Variants in PDE8B observed in about 807,000 individuals in gnomAD.
The protein encoded by PDE8B is high affinity cAMP-specific and IBMX-insensitive 3',5'-cyclic phosphodiesterase 8B.
A neutral mutation model predicts 101.3 loss-of-function variants in PDE8B; 26 were observed. The observed-to-expected ratio is 0.26, with a 90% CI of 0.19 to 0.36. PDE8B has a LOEUF of 0.36. Ranked by LOEUF, PDE8B falls within the 10% of genes least tolerant of loss-of-function variation. PDE8B has a pLI of 1.00. For missense variants in PDE8B, 810 were observed against 1,163.1 expected (o/e 0.70, Z 4.42); for synonymous variants, 424 against 429.3 (o/e 0.99, Z 0.15).
intron 10 of PDE8B, among the ~76,000 whole-genome samples, chr5:77,397,939 T>C (rs907631733): frequency 1.1e-4 from 17 of 148,572 alleles, no homozygotes; most frequent in African/African-American, 4.0e-4. Flanking sequence ...TAACCAGAGA[T>C]GAGATAACAC....
chr5:77,209,747 G>T (rs561829032), upstream of PDE8B, among the ~76,000 whole-genome samples: 1 of 152,172 alleles, frequency 6.6e-6, no homozygotes, highest in Non-Finnish European at 1.5e-5. Context: ...GCGGCTGGAC[G>T]GGATAGAAAC....
At chr5:77,205,384 G>A in the PDE8B span, among the ~76,000 whole-genome samples, 1 of 152,136 alleles carries the variant, frequency 6.6e-6, no homozygotes, top group Non-Finnish European at 1.5e-5. Context: ...AAACTCACTT[G>A]GTAGGACTAT....
chr5:77,393,690 T>A (rs1054679753), intron 10 of PDE8B, among the ~76,000 whole-genome samples: 32 of 152,232 alleles, frequency 2.1e-4, no homozygotes, highest in Non-Finnish European at 4.1e-4. Context: ...TAAGGAATTT[T>A]GGATTTGACA....
At chr5:77,240,167 G>T (rs981535302) in intron 1 of PDE8B, among the ~76,000 whole-genome samples, 1 of 151,208 alleles carries the variant, frequency 6.6e-6, no homozygotes, top group East Asian at 1.9e-4. Context: ...GTTTTGTTTT[G>T]TTTTGAGATG....
intron 10 of PDE8B, among the ~76,000 whole-genome samples, chr5:77,356,565 G>T (rs186313084): frequency 6.6e-6 from 1 of 152,228 alleles, no homozygotes; most frequent in African/African-American, 2.4e-5. Flanking sequence ...AAGTAACTGG[G>T]ATTATAGGTT....
chr5:77,097,707 C>CTATCTATCTATATA, the PDE8B span, among the ~76,000 whole-genome samples: 1 of 20,950 alleles, frequency 4.8e-5, no homozygotes, highest in Non-Finnish European at 1.1e-4. Flanking sequence ...ATATATATAT[C>CTATCTATCTATATA]TATATATATA....
In PDE8B at chr5:77,412,355, C is replaced by T. The variant is rs866780126; in HGVS notation, c.1712+120C>T. On this transcript the variant is annotated intron_variant, in intron 16 of 21. Transcript: ENST00000264917. Reference sequence around the variant, plus strand: ...GAGAGACCTCACGGGTTCTGGCTCTCATGCCATGTTAGAGTAGTGTTGAAT... The same window carrying T: ...GAGAGACCTCACGGGTTCTGGCTCTTATGCCATGTTAGAGTAGTGTTGAAT... The T allele has an allele frequency of 1.1e-5, 11 of 967,090 alleles. No individual in the cohort carries two copies. The Middle Eastern group carries it at 1.3e-3, about 118-fold the overall frequency. The allele number at this position is 967,090 out of a possible 1,614,324, so 59.9% of individuals were successfully genotyped here.
At chr5:77,169,531 G>T in the PDE8B span, among the ~76,000 whole-genome samples, 1 of 152,318 alleles carries the variant, frequency 6.6e-6, no homozygotes, top group Non-Finnish European at 1.5e-5. Context: ...GTAGGAAGTA[G>T]CCAGGGAAAG....
In PDE8B at chr5:77,210,921, G is replaced by T. The variant is rs778018858; in HGVS notation, c.-5G>T. 125 of 1,413,452 alleles carry T rather than the reference G, an allele frequency of 8.8e-5. No homozygotes were observed. Among genetic ancestry groups the T allele is most frequent in the Non-Finnish European group, 1.1e-4 (124 of 1,083,802 alleles). 87.6% of individuals were successfully genotyped at this position (1,413,452 alleles called of 1,614,324 possible). Reference sequence around the variant, plus strand: ...GGCGGGCGCGCGGGGGAGCCCGGCCGAGGGATGGGCTGCGCCCCCAGCATC... The same window carrying T: ...GGCGGGCGCGCGGGGGAGCCCGGCCTAGGGATGGGCTGCGCCCCCAGCATC... On this transcript the variant is annotated 5_prime_UTR_variant, in exon 1 of 22. An upstream open reading frame in the 5' UTR gains an earlier in-frame stop. Transcript: ENST00000264917. This position sits in a 1 kb window ranked among gnomAD's most constrained non-coding sequence, Gnocchi z 4.9.
chr5:77,251,378 C>T (rs1163517745), intron 1 of PDE8B, among the ~76,000 whole-genome samples: 1 of 152,192 alleles, frequency 6.6e-6, no homozygotes, highest in African/African-American at 2.4e-5. Flanking sequence ...TAAAAATGCC[C>T]ATCTTTGCCG....
intron 1 of PDE8B, among the ~76,000 whole-genome samples, chr5:77,281,790 C>T (rs1580770269): frequency 1.3e-5 from 2 of 152,278 alleles, no homozygotes; most frequent in East Asian, 1.9e-4. Flanking sequence ...GGGTATTATT[C>T]AGCCTACCAC....
chr5:77,412,689 C>T (rs1050809590), intron 16 of PDE8B, among the ~76,000 whole-genome samples: 9 of 151,998 alleles, frequency 5.9e-5, no homozygotes, highest in South Asian at 4.1e-4. Context: ...TCACCTGTAA[C>T]GTAAATAAGT....
intron 10 of PDE8B, among the ~76,000 whole-genome samples, chr5:77,371,923 G>A (rs1053395223): frequency 9.2e-5 from 14 of 151,986 alleles, no homozygotes; most frequent in East Asian, 3.9e-4. Context: ...ATTTTTTGCC[G>A]GGTGCAGTGG....
chr5:77,180,152 TC>T, the PDE8B span, among the ~76,000 whole-genome samples: 21 of 152,198 alleles, frequency 1.4e-4, no homozygotes, highest in Non-Finnish European at 1.9e-4. Context: ...TGGACTTCCC[TC>T]GAGGGGCCAG....
intron 2 of PDE8B, among the ~76,000 whole-genome samples, chr5:77,312,785 T>C (rs1182008449): frequency 6.6e-6 from 1 of 151,992 alleles, no homozygotes; most frequent in East Asian, 1.9e-4. Flanking sequence ...GCAGTTGCTG[T>C]TGTGTGGGAA....
chr5:77,164,137 A>G, the PDE8B span, among the ~76,000 whole-genome samples: 4 of 152,248 alleles, frequency 2.6e-5, no homozygotes, highest in African/African-American at 2.4e-5. Context: ...ACTTGAGGTT[A>G]AAATAATTGG....
intron 1 of PDE8B, among the ~76,000 whole-genome samples, chr5:77,215,811 T>C (rs1447465647): frequency 6.6e-6 from 1 of 151,214 alleles, no homozygotes; most frequent in Non-Finnish European, 1.5e-5. Context: ...GAGTCCAGAG[T>C]TTGTTCAACC....
the PDE8B span, chr5:77,118,674 G>T: frequency 4.9e-3 from 1,490 of 302,586 alleles, 20 homozygotes; most frequent in African/African-American, 0.03. Context: ...TTTTTCATGG[G>T]AAAGGATATA....
chr5:77,101,688 T>TCATA, the PDE8B span, among the ~76,000 whole-genome samples: 1 of 150,390 alleles, frequency 6.6e-6, no homozygotes, highest in African/African-American at 2.5e-5. Context: ...GAATGAGAGC[T>TCATA]CATACATTTC....
Sources: allele counts gnomAD v4.1 joint callset (sites outside exome capture counted in the v4.1 genomes callset), GRCh38; gene constraint gnomAD v4.1.1; non-coding constraint Gnocchi (gnomAD v3.1); transcripts MANE v1.5; gene names NCBI Gene and HGNC (gene_info 2026-07-23, HGNC 2026-07-21).